CTNNA3: variants seen among roughly 807,000 people sequenced by gnomAD.
CTNNA3 encodes the protein catenin alpha-3.
In CTNNA3, 76 loss-of-function variants were observed where a neutral mutation model predicts 95.7. That is an observed-to-expected ratio of 0.79 (90% CI 0.66 to 0.96). The LOEUF is 0.96. Ranked by LOEUF, CTNNA3 falls within the 40% of genes least tolerant of loss-of-function variation. The pLI is 0.00. For missense variants in CTNNA3, 1,191 were observed against 1,089.8 expected (o/e 1.09, Z -1.31); for synonymous variants, 431 against 374.4 (o/e 1.15, Z -1.74).
intron 7 of CTNNA3, among the ~76,000 whole-genome samples, chr10:66,785,631 G>C (rs1039307593): frequency 6.6e-6 from 1 of 152,102 alleles, no homozygotes; most frequent in Non-Finnish European, 1.5e-5. Context: ...TGGCTCCCCT[G>C]GTTCTCTGGC....
intron 7 of CTNNA3, among the ~76,000 whole-genome samples, chr10:66,807,017 A>C (rs1440594432): frequency 6.6e-6 from 1 of 151,956 alleles, no homozygotes; most frequent in Non-Finnish European, 1.5e-5. Context: ...CAAAATGACA[A>C]ACGCTAATCA....
At chr10:66,192,444 G>C (rs900542422) in intron 13 of CTNNA3, among the ~76,000 whole-genome samples, 4 of 152,076 alleles carry the variant, frequency 2.6e-5, no homozygotes, top group Admixed American at 2.6e-4. Flanking sequence ...TGATATTCCC[G>C]TCATTTTAAT....
At chr10:66,292,900 A>G (rs1479082538) in intron 12 of CTNNA3, among the ~76,000 whole-genome samples, 1 of 152,098 alleles carries the variant, frequency 6.6e-6, no homozygotes, top group Non-Finnish European at 1.5e-5. Context: ...TACCTTGCCT[A>G]TTATCCTCAA....
intron 12 of CTNNA3, among the ~76,000 whole-genome samples, chr10:66,349,224 A>G (rs1458486061): frequency 2.6e-5 from 4 of 152,070 alleles, no homozygotes; most frequent in Non-Finnish European, 5.9e-5. Context: ...TTTGGCAGAT[A>G]CAAAGAAGAA....
Position 67,289,743 on chromosome 10 carries a change from A to AAAGG in CTNNA3, c.580-69877_580-69874dup, listed in dbSNP as rs199600826. The stretch of plus-strand genomic sequence containing the variant: ...CTTAAGCAGGTAACATGGATCCAAC[A>AAAGG]AAGGAAGGATGGATGAATGGATGGA... On this transcript the variant is annotated intron_variant, in intron 5 of 17. Transcript: ENST00000433211. Among the ~76,000 whole-genome samples the AAAGG allele has an allele frequency of 0.018, 2,790 of 151,034 alleles. 224 individuals are homozygous for AAAGG. The East Asian group carries it at 0.25, about 13-fold the overall frequency.
At chr10:67,514,694 T>C (rs987211329) in intron 5 of CTNNA3, among the ~76,000 whole-genome samples, 3 of 150,498 alleles carry the variant, frequency 2.0e-5, no homozygotes, top group Admixed American at 6.6e-5. Flanking sequence ...GTTTGGTTGG[T>C]TTTGGGTTTT....
chr10:66,223,335 A>C (rs2131986417), intron 13 of CTNNA3, among the ~76,000 whole-genome samples: 1 of 152,246 alleles, frequency 6.6e-6, no homozygotes, highest in African/African-American at 2.4e-5. Context: ...AAGTATTTGT[A>C]CATTTGTACA....
chr10:67,230,754 C>A (rs753350593), intron 5 of CTNNA3, among the ~76,000 whole-genome samples: 2 of 152,206 alleles, frequency 1.3e-5, no homozygotes, highest in Non-Finnish European at 2.9e-5. Context: ...GCATTTCCAT[C>A]TGAGGTACAG....
intron 7 of CTNNA3, among the ~76,000 whole-genome samples, chr10:66,820,373 A>T (rs1236060861): frequency 6.6e-6 from 1 of 151,692 alleles, no homozygotes; most frequent in Non-Finnish European, 1.5e-5. Flanking sequence ...TTTTTTTTTG[A>T]GGTGACGAAA....
intron 13 of CTNNA3, among the ~76,000 whole-genome samples, chr10:66,159,631 T>TG (rs1264598654): frequency 6.7e-6 from 1 of 150,050 alleles, no homozygotes; most frequent in Non-Finnish European, 1.5e-5. Flanking sequence ...TTTCTGTTTT[T>TG]TTTTTTTTTT....
At chr10:66,781,860 G>C (rs1345212651) in intron 7 of CTNNA3, among the ~76,000 whole-genome samples, 1 of 152,080 alleles carries the variant, frequency 6.6e-6, no homozygotes, top group Non-Finnish European at 1.5e-5. Context: ...ACACACATTT[G>C]TATGTGAAGA....
chr10:67,493,356 TC>T (rs1354343917), intron 5 of CTNNA3, among the ~76,000 whole-genome samples: 1 of 152,064 alleles, frequency 6.6e-6, no homozygotes, highest in Non-Finnish European at 1.5e-5. Flanking sequence ...GGTCAGGGAA[TC>T]GAGACCATCC....
chr10:66,792,949 C>CA (rs1225074697), intron 7 of CTNNA3, among the ~76,000 whole-genome samples: 5 of 151,718 alleles, frequency 3.3e-5, no homozygotes, highest in Non-Finnish European at 7.4e-5. Context: ...GTATGGGAGA[C>CA]AAAAAAATCT....
chr10:67,478,728 C>T (rs1052254266), intron 5 of CTNNA3, among the ~76,000 whole-genome samples: 6 of 151,788 alleles, frequency 4.0e-5, no homozygotes, highest in Admixed American at 1.3e-4. Flanking sequence ...ACAATAGAAA[C>T]TACAAAACAG....
chr10:66,565,151 A>G (rs1842667648), intron 10 of CTNNA3, among the ~76,000 whole-genome samples: 1 of 152,170 alleles, frequency 6.6e-6, no homozygotes, highest in Non-Finnish European at 1.5e-5. Context: ...GAAAGACACA[A>G]TCTGTAAATA....
At chr10:66,919,084 G>A (rs1247879906) in intron 7 of CTNNA3, among the ~76,000 whole-genome samples, 2 of 150,244 alleles carry the variant, frequency 1.3e-5, no homozygotes, top group East Asian at 3.9e-4. Context: ...GCTGTGAGCC[G>A]GGATCGTGCC....
chr10:67,412,113 T>A (rs1429173071), intron 5 of CTNNA3, among the ~76,000 whole-genome samples: 1 of 152,140 alleles, frequency 6.6e-6, no homozygotes, highest in East Asian at 1.9e-4. Flanking sequence ...GGGCACAAAG[T>A]ACACTCCATT....
intron 5 of CTNNA3, among the ~76,000 whole-genome samples, chr10:67,386,632 C>A (rs567493984): frequency 6.6e-5 from 10 of 152,242 alleles, no homozygotes; most frequent in African/African-American, 2.2e-4. Context: ...GGAAGATCAT[C>A]TTAAAGGAAA....
intron 12 of CTNNA3, among the ~76,000 whole-genome samples, chr10:66,346,677 G>A (rs1328257536): frequency 6.6e-6 from 1 of 152,030 alleles, no homozygotes; most frequent in Admixed American, 6.6e-5. Context: ...AGAGACTTTT[G>A]CTTGCAGCTA....
Sources: allele counts gnomAD v4.1 joint callset (sites outside exome capture counted in the v4.1 genomes callset), GRCh38; gene constraint gnomAD v4.1.1; transcripts MANE v1.5; gene names NCBI Gene and HGNC (gene_info 2026-07-23, HGNC 2026-07-21).